LGSN: variants seen among roughly 807,000 people sequenced by gnomAD.
The protein encoded by LGSN is lengsin, lens protein with glutamine synthetase domain.
Under a neutral mutation model 19.5 loss-of-function variants are expected in LGSN, and 21 were observed. The ratio of observed to expected loss-of-function variants is 1.07; its 90% CI spans 0.76 to 1.55. LGSN has a LOEUF of 1.55. Ranked by LOEUF, LGSN falls within the 40% of genes most tolerant of loss-of-function variation. The pLI, the probability that LGSN is intolerant of heterozygous loss-of-function variation, is 0.00. For missense variants in LGSN, 673 were observed against 608.5 expected, an observed-to-expected ratio of 1.11 and a Z score of -1.12; for synonymous variants, 257 against 215.6, an observed-to-expected ratio of 1.19 and a Z score of -1.68.
chr6:63,452,951 C>G, the LGSN span, among the ~76,000 whole-genome samples: 1 of 152,092 alleles, frequency 6.6e-6, no homozygotes, highest in African/African-American at 2.4e-5. Flanking sequence ...CAACCAAGTG[C>G]TGTTTGGGTC....
intron 1 of LGSN, among the ~76,000 whole-genome samples, chr6:63,304,274 A>C (rs1768293148): frequency 6.6e-6 from 1 of 152,204 alleles, no homozygotes; most frequent in Non-Finnish European, 1.5e-5. Context: ...ACCTTTCTAG[A>C]TGGGCATCAT....
the LGSN span, among the ~76,000 whole-genome samples, chr6:63,380,969 G>A: frequency 6.6e-6 from 1 of 152,164 alleles, no homozygotes; most frequent in Non-Finnish European, 1.5e-5. Context: ...GGCCAAGGCA[G>A]GCAGATCACT....
At chr6:63,325,760 G>A in the LGSN span, among the ~76,000 whole-genome samples, 800 of 152,210 alleles carry the variant, frequency 5.3e-3, 8 homozygotes, top group African/African-American at 0.018. Context: ...TCGTGGTCTC[G>A]CTGGCTTCAG....
the LGSN span, among the ~76,000 whole-genome samples, chr6:63,362,842 A>G: frequency 1.3e-5 from 2 of 152,198 alleles, no homozygotes; most frequent in East Asian, 3.8e-4. Context: ...AGGTCTGAAG[A>G]GAGTAGTGGT....
chr6:63,519,165 G>A, the LGSN span, among the ~76,000 whole-genome samples: 2 of 152,104 alleles, frequency 1.3e-5, no homozygotes, highest in Non-Finnish European at 2.9e-5. Flanking sequence ...AAATTAGCTG[G>A]GCATGATGGT....
chr6:63,392,781 A>G, the LGSN span, among the ~76,000 whole-genome samples: 8 of 149,126 alleles, frequency 5.4e-5, no homozygotes, highest in Admixed American at 1.3e-4. Context: ...ACCCCAAATT[A>G]TTTTTCTTTC....
chr6:63,494,889 C>T, the LGSN span, among the ~76,000 whole-genome samples: 3 of 152,030 alleles, frequency 2.0e-5, no homozygotes, highest in Admixed American at 6.6e-5. Flanking sequence ...AACAATGTTC[C>T]GAAACAAGAT....
chr6:63,427,717 T>A, the LGSN span, among the ~76,000 whole-genome samples: 1 of 152,216 alleles, frequency 6.6e-6, no homozygotes, highest in African/African-American at 2.4e-5. Flanking sequence ...GTGGGTAGTT[T>A]AGTTAAAATA....
At chr6:63,458,487 T>C in the LGSN span, among the ~76,000 whole-genome samples, 4 of 152,216 alleles carry the variant, frequency 2.6e-5, no homozygotes, top group African/African-American at 9.7e-5. Context: ...CGTGTTTATA[T>C]ATACCTTCCT....
the LGSN span, among the ~76,000 whole-genome samples, chr6:63,458,588 A>G: frequency 6.6e-6 from 1 of 152,162 alleles, no homozygotes; most frequent in Non-Finnish European, 1.5e-5. Context: ...GACCCAGCTA[A>G]GGTTGGAGGA....
the LGSN span, among the ~76,000 whole-genome samples, chr6:63,504,185 C>T: frequency 6.6e-6 from 1 of 151,374 alleles, no homozygotes; most frequent in Non-Finnish European, 1.5e-5. Flanking sequence ...GTCACTCAGG[C>T]TGGAGTGCAG....
chr6:63,539,762 T>A, the LGSN span, among the ~76,000 whole-genome samples: 19 of 148,902 alleles, frequency 1.3e-4, no homozygotes, highest in Admixed American at 6.0e-4. Context: ...AGTGAGACTC[T>A]GTCTCAAAAA....
the LGSN span, among the ~76,000 whole-genome samples, chr6:63,543,487 A>G: frequency 6.6e-6 from 1 of 152,194 alleles, no homozygotes; most frequent in African/African-American, 2.4e-5. Context: ...CTTATTCACC[A>G]TTTTGTCTTG....
chr6:63,376,067 A>G, the LGSN span, among the ~76,000 whole-genome samples: 2 of 152,094 alleles, frequency 1.3e-5, no homozygotes, highest in African/African-American at 4.8e-5. Flanking sequence ...GTTCTAACAC[A>G]CTGCTATGCT....
the LGSN span, among the ~76,000 whole-genome samples, chr6:63,327,004 G>A: frequency 6.6e-5 from 10 of 152,234 alleles, no homozygotes; most frequent in African/African-American, 2.2e-4. Context: ...CTGCCAGCAC[G>A]CTGTCACCTC....
At chr6:63,441,746 T>C in the LGSN span, 2 of 388,302 alleles carry the variant, frequency 5.2e-6, no homozygotes, top group Admixed American at 6.3e-5. Flanking sequence ...CAAATCTAAG[T>C]CCGAATCCTG....
chr6:63,514,851 G>GC, the LGSN span, among the ~76,000 whole-genome samples: 16 of 151,812 alleles, frequency 1.1e-4, no homozygotes, highest in African/African-American at 3.9e-4. Context: ...CAGGCACCAG[G>GC]CACCACACCA....
intron 3 of LGSN, among the ~76,000 whole-genome samples, chr6:63,282,809 A>G (rs1175181088): frequency 6.6e-6 from 1 of 152,166 alleles, no homozygotes. Flanking sequence ...ACGCACACAC[A>G]CACACACGCT....
chr6:63,553,384 T>C, the LGSN span, among the ~76,000 whole-genome samples: 3 of 152,192 alleles, frequency 2.0e-5, no homozygotes, highest in South Asian at 4.1e-4. Flanking sequence ...ACAATTTTGG[T>C]CTCCATGACT....
Sources: allele counts gnomAD v4.1 joint callset (sites outside exome capture counted in the v4.1 genomes callset), GRCh38; gene constraint gnomAD v4.1.1; transcripts MANE v1.5; gene names NCBI Gene and HGNC (gene_info 2026-07-23, HGNC 2026-07-21).